The following SCO1 variants were observed in gnomAD, a reference collection of about 807,000 sequenced individuals.
SCO1 encodes cytochrome c oxidase assembly factor SCO1.
Under a neutral mutation model 34.0 loss-of-function variants are expected in SCO1, and 23 were observed. The observed-to-expected ratio is 0.68, with a 90% CI of 0.49 to 0.96. The LOEUF (loss-of-function observed/expected upper bound fraction) is 0.96. Ranked by LOEUF, SCO1 falls within the 40% of genes least tolerant of loss-of-function variation. The pLI is 0.00. For synonymous variants in SCO1, 161 were observed against 145.5 expected (o/e 1.11, Z -0.77); for missense variants, 404 against 381.6 (o/e 1.06, Z -0.49).
intron 5 of SCO1, among the ~76,000 whole-genome samples, chr17:10,681,585 G>A (rs1030906414): frequency 6.6e-6 from 1 of 152,184 alleles, no homozygotes; most frequent in Non-Finnish European, 1.5e-5. Context: ...CTTTCATAAA[G>A]CAGTCAATGT....
At chr17:10,689,078 T>C (rs1242659483) in intron 4 of SCO1, among the ~76,000 whole-genome samples, 3 of 120,002 alleles carry the variant, frequency 2.5e-5, no homozygotes, top group African/African-American at 1.2e-4. Context: ...ATCCCGCCAC[T>C]GCACTCCAGC....
In SCO1 at chr17:10,674,387, C is replaced by G. The variant is rs751823099; in HGVS notation, c.*6732G>C. 8.2e-6 allele frequency: 2 copies of G among 243,288 alleles called. No individual in the cohort carries two copies. The highest frequency in any genetic ancestry group is 1.6e-5 in the Non-Finnish European group (2 of 122,550). 15.1% of individuals were successfully genotyped at this position (243,288 alleles called of 1,614,324 possible). A position where few individuals can be genotyped will look rare whatever the true frequency, so the allele number is the denominator to read the frequency against. Reference sequence around the variant, plus strand: ...GTTGCAGTGAGCCAAGATCGCACCACTGCTCTCCAGCCTAGGCAACAAGAG... The same window carrying G: ...GTTGCAGTGAGCCAAGATCGCACCAGTGCTCTCCAGCCTAGGCAACAAGAG... On this transcript the variant is annotated 3_prime_UTR_variant, in exon 6 of 6. Transcript: ENST00000255390.
chr17:10,697,339 G>GC lies in SCO1; in HGVS notation c.168dup (p.Arg57AlafsTer94). 6.3e-7 allele frequency: 1 copy of GC among 1,575,592 alleles called. No homozygotes were observed. Among genetic ancestry groups the GC allele is most frequent in the Non-Finnish European group, 8.6e-7 (1 of 1,161,350 alleles). On this transcript the variant is annotated frameshift_variant, in exon 1 of 6. Coordinates refer to ENST00000255390, the MANE Select transcript of SCO1 (RefSeq NM_004589.4). LOFTEE classifies it high-confidence loss of function. ...CGGGTTCCCAGGCAATAGCCAGGGCGCCCCGAGGCACGCCACGCCTCCGCT... is the reference window on the plus strand; with the variant it reads ...CGGGTTCCCAGGCAATAGCCAGGGCGCCCCCGAGGCACGCCACGCCTCCGCT...
At position 10,674,055 on chromosome 17, in the gene SCO1, A is replaced by C. The variant is rs1338085221; in HGVS notation, c.*7064T>G. On this transcript the variant is annotated 3_prime_UTR_variant, in exon 6 of 6. Coordinates refer to ENST00000255390, the MANE Select transcript of SCO1 (RefSeq NM_004589.4). The stretch of plus-strand genomic sequence containing the variant: ...TTCCCTATTGGGTAAAAATTAATAG[A>C]CTCTGTGGTATTGGGGGTTGAGGAG... The C allele has an allele frequency of 7.9e-5, 12 of 151,996 alleles. No homozygotes were observed. Among genetic ancestry groups the C allele is most frequent in the Admixed American group, 7.9e-4 (12 of 15,248 alleles). The allele number at this position is 151,996 out of a possible 1,614,324, so 9.4% of individuals were successfully genotyped here.
rs569642633 is a variant in SCO1 at position 10,676,122 on chromosome 17, A to G, written c.*4997T>C. Reference sequence around the variant, plus strand: ...TCTTTCTTTTTTGTTTTTTGAGACAACTCTTGTTGCCCAGGCTGGAGTGCA... The same window carrying G: ...TCTTTCTTTTTTGTTTTTTGAGACAGCTCTTGTTGCCCAGGCTGGAGTGCA... On this transcript the variant is annotated 3_prime_UTR_variant, in exon 6 of 6. Coordinates refer to ENST00000255390, the MANE Select transcript of SCO1 (RefSeq NM_004589.4). 3.0e-4 allele frequency: 46 copies of G among 151,958 alleles called. No homozygotes were observed. The highest frequency in any genetic ancestry group is 1.1e-3 in the African/African-American group (45 of 41,402). 9.4% of individuals were successfully genotyped at this position (151,958 alleles called of 1,614,324 possible). A position where few individuals can be genotyped will look rare whatever the true frequency, so the allele number is the denominator to read the frequency against.
At chr17:10,696,439 C>G (rs1018444784) in intron 1 of SCO1, among the ~76,000 whole-genome samples, 1 of 152,028 alleles carries the variant, frequency 6.6e-6, no homozygotes, top group African/African-American at 2.4e-5. Context: ...AGCAAAACTC[C>G]GTCTCAAAAC....
chr17:10,694,125 T>C (rs2074707731), intron 2 of SCO1, among the ~76,000 whole-genome samples: 2 of 152,200 alleles, frequency 1.3e-5, no homozygotes, highest in Non-Finnish European at 2.9e-5. Context: ...GCACGGAGAA[T>C]ACAGCATCAC....
chr17:10,692,026 C>G (rs2074693328), intron 3 of SCO1, 62 bp from the exon 4 acceptor site: 1 of 1,180,956 alleles, frequency 8.5e-7, no homozygotes, highest in African/African-American at 1.5e-5. Flanking sequence ...AGAAAACCAG[C>G]AATAACAGGA....
intron 5 of SCO1, among the ~76,000 whole-genome samples, chr17:10,685,644 T>C (rs1305787425): frequency 6.6e-6 from 1 of 152,218 alleles, no homozygotes; most frequent in Non-Finnish European, 1.5e-5. Context: ...AATAAACCTT[T>C]CATCTTTTGC....
intron 5 of SCO1, among the ~76,000 whole-genome samples, chr17:10,686,067 C>A (rs1437564561): frequency 6.6e-6 from 1 of 152,076 alleles, no homozygotes; most frequent in Admixed American, 6.5e-5. Flanking sequence ...CATGGCAAAA[C>A]TCCTTCTCTA....
rs1432358152 is a variant in SCO1, at chr17:10,696,086, A to AT, written c.274-256_274-255insA. On this transcript the variant is annotated intron_variant, in intron 1 of 5. Transcript: ENST00000255390. The stretch of plus-strand genomic sequence containing the variant: ...TTCATGTAAATAAAAAAAAAAAAAA[A>AT]AAAAAAAAAAAGCTCAAGTACCACG... 7.0e-4 allele frequency among the ~76,000 whole-genome samples: 106 copies of AT among 150,672 alleles called. 2 individuals are homozygous for AT. The highest frequency in any genetic ancestry group is 2.5e-3 in the African/African-American group (103 of 41,224).
chr17:10,684,543 T>C (rs1001631557), intron 5 of SCO1, among the ~76,000 whole-genome samples: 2 of 152,264 alleles, frequency 1.3e-5, no homozygotes, highest in Non-Finnish European at 2.9e-5. Context: ...TGTAACTGAA[T>C]GTTTTCAATT....
intron 5 of SCO1, among the ~76,000 whole-genome samples, chr17:10,686,417 C>G (rs2074656740): frequency 1.3e-5 from 2 of 150,508 alleles, no homozygotes; most frequent in African/African-American, 4.9e-5. Context: ...CCGTCTCTAC[C>G]AAAAAATATA....
chr17:10,683,991 C>T (rs1386027295), intron 5 of SCO1: 1 of 152,106 alleles, frequency 6.6e-6, no homozygotes, highest in African/African-American at 2.4e-5. Context: ...AATCTGTGAC[C>T]TCAAGGGACT....
Position 10,692,776 on chromosome 17 carries a change from C to G in SCO1, c.550G>C (p.Val184Leu). The G allele has an allele frequency of 6.2e-7, 1 of 1,613,838 alleles. No individual in the cohort carries two copies. Among genetic ancestry groups the G allele is most frequent in the Non-Finnish European group, 8.5e-7 (1 of 1,179,742 alleles). Residue 184 changes from valine to leucine, a missense_variant, in exon 3 of 6, where the codon GTG becomes CTG. Coordinates refer to ENST00000255390, the MANE Select transcript of SCO1 (RefSeq NM_004589.4). ...PEELEKMIQV[V>L]DEIDSITTLP... The stretch of plus-strand genomic sequence containing the variant: ...ATGGCTTTCTTACCTATTTCATCCA[C>G]GACTTGAATCATCTTTTCTAGTTCT...
Position 10,689,817 on chromosome 17 carries a change from C to G in SCO1, c.655+2055G>C, listed in dbSNP as rs937013409. Among the ~76,000 whole-genome samples the G allele has an allele frequency of 2.0e-4, 31 of 152,116 alleles. 1 individual carries two copies. The highest frequency in any genetic ancestry group is 1.3e-4 in the Admixed American group (2 of 15,270). Reference sequence around the variant, plus strand: ...CACTACCTGACTTCAAAACATAGTACAAAGCCATAGTAACCACAACAGCAT... The same window carrying G: ...CACTACCTGACTTCAAAACATAGTAGAAAGCCATAGTAACCACAACAGCAT... On this transcript the variant is annotated intron_variant, in intron 4 of 5. Transcript: ENST00000255390.
chr17:10,687,211 G>A (rs1013701399), intron 4 of SCO1, among the ~76,000 whole-genome samples: 2 of 151,972 alleles, frequency 1.3e-5, no homozygotes, highest in African/African-American at 4.8e-5. Flanking sequence ...GGCATCATAT[G>A]GGGAAAAAAA....
intron 5 of SCO1, among the ~76,000 whole-genome samples, chr17:10,683,668 G>A (rs1447519381): frequency 6.6e-6 from 1 of 151,482 alleles, no homozygotes; most frequent in African/African-American, 2.4e-5. Flanking sequence ...GCACATTTAG[G>A]TTTGAAAGCT....
At chr17:10,682,499 C>A (rs2074628793) in intron 5 of SCO1, among the ~76,000 whole-genome samples, 1 of 152,166 alleles carries the variant, frequency 6.6e-6, no homozygotes, top group African/African-American at 2.4e-5. Flanking sequence ...AAGCCTTACT[C>A]TGTAGCTTAC....
Sources: allele counts gnomAD v4.1 joint callset (sites outside exome capture counted in the v4.1 genomes callset), GRCh38; gene constraint gnomAD v4.1.1; transcripts MANE v1.5; gene names NCBI Gene and HGNC (gene_info 2026-07-23, HGNC 2026-07-21).